The following PHF14 variants were observed in gnomAD, a reference collection of about 807,000 sequenced individuals.
The protein encoded by PHF14 is PHD finger protein 14.
In PHF14, 55 loss-of-function variants were observed where a neutral mutation model predicts 117.9. That is an observed-to-expected ratio of 0.47 (90% CI 0.38 to 0.58). The LOEUF (loss-of-function observed/expected upper bound fraction) is 0.58, where lower values mean the gene tolerates loss of function less well. Among genes scored for constraint, PHF14 ranks in the 20% least tolerant of loss-of-function variants. The pLI is 0.00. For missense variants in PHF14, 978 were observed against 1,122.2 expected, an observed-to-expected ratio of 0.87 and a Z score of 1.84; for synonymous variants, 409 against 368.6, an observed-to-expected ratio of 1.11 and a Z score of -1.26.
intron 17 of PHF14, among the ~76,000 whole-genome samples, chr7:11,155,959 A>G (rs1788835340): frequency 6.6e-6 from 1 of 152,126 alleles, no homozygotes; most frequent in Non-Finnish European, 1.5e-5. Flanking sequence ...AAATATTGGG[A>G]AAAACTTTAT....
At chr7:11,047,324 T>TC (rs1784703424) in intron 13 of PHF14, among the ~76,000 whole-genome samples, 1 of 152,012 alleles carries the variant, frequency 6.6e-6, no homozygotes, top group African/African-American at 2.4e-5. Context: ...TGCCTTGGCC[T>TC]CCCAAAGTGC....
intron 15 of PHF14, 37 bp from the exon 16 acceptor site, chr7:11,061,927 T>C: frequency 6.5e-7 from 1 of 1,544,716 alleles, no homozygotes; most frequent in Non-Finnish European, 8.7e-7. Context: ...CCTTATTTTG[T>C]TTGTTATGTT....
intron 16 of PHF14, among the ~76,000 whole-genome samples, chr7:11,067,652 G>A (rs1160837656): frequency 6.6e-6 from 1 of 152,164 alleles, no homozygotes; most frequent in Non-Finnish European, 1.5e-5. Flanking sequence ...AATACCTGAG[G>A]GTGGATAATT....
intron 17 of PHF14, among the ~76,000 whole-genome samples, chr7:11,129,688 A>G (rs570821957): frequency 6.6e-6 from 1 of 151,926 alleles, no homozygotes; most frequent in East Asian, 1.9e-4. Flanking sequence ...AAATCTGTAT[A>G]GTATTCAGAA....
intron 16 of PHF14, among the ~76,000 whole-genome samples, chr7:11,089,591 TTAA>T: frequency 6.6e-6 from 1 of 152,152 alleles, no homozygotes; most frequent in East Asian, 1.9e-4. Context: ...GAAATATTTT[TTAA>T]TGAGATACTT....
At chr7:11,127,393 G>A (rs976323078) in intron 17 of PHF14, among the ~76,000 whole-genome samples, 5 of 152,058 alleles carry the variant, frequency 3.3e-5, no homozygotes, top group East Asian at 1.9e-4. Context: ...TCCCACCAAC[G>A]CTGTCCTCTT....
At position 10,990,685 on chromosome 7, in the gene PHF14, T is replaced by C. The variant is rs1301520004; in HGVS notation, c.901-18T>C. 5.6e-6 allele frequency: 8 copies of C among 1,431,738 alleles called. No homozygotes were observed. The highest frequency in any genetic ancestry group is 7.6e-6 in the Non-Finnish European group (8 of 1,053,322). The allele number at this position is 1,431,738 out of a possible 1,614,324, so 88.7% of individuals were successfully genotyped here. A position where few individuals can be genotyped will look rare whatever the true frequency, so the allele number is the denominator to read the frequency against. On this transcript the variant is annotated intron_variant, in intron 3 of 17. Transcript: ENST00000634607. ...TTTAAATGTGATTTTCTGATATATG[T>C]TAATATTTTAATATTAGGACTCGCT...
Position 11,073,097 on chromosome 7 carries a change from CT to C in PHF14, c.2654+11013del, listed in dbSNP as rs1267050012. Among the ~76,000 whole-genome samples, 4 of 152,268 alleles carry C rather than the reference CT, an allele frequency of 2.6e-5. No individual in the cohort carries two copies. In the South Asian group the frequency reaches 8.3e-4, roughly 32 times the overall value. On this transcript the variant is annotated intron_variant, in intron 16 of 17. Transcript: ENST00000634607. Reference sequence around the variant, plus strand: ...TATATACTTTCACTCCTTGCCCCCCCTCCCCAGTTTTATCTTCTCCACATTG... The same window carrying C: ...TATATACTTTCACTCCTTGCCCCCCCCCCCAGTTTTATCTTCTCCACATTG...
At chr7:10,994,447 A>G (rs1168312654) in intron 4 of PHF14, among the ~76,000 whole-genome samples, 1 of 152,184 alleles carries the variant, frequency 6.6e-6, no homozygotes, top group Non-Finnish European at 1.5e-5. Context: ...TCAAAAAAAA[A>G]GATCTTGAAG....
intron 4 of PHF14, among the ~76,000 whole-genome samples, chr7:11,004,517 G>A (rs1402013577): frequency 6.6e-6 from 1 of 151,810 alleles, no homozygotes; most frequent in Non-Finnish European, 1.5e-5. Flanking sequence ...TTGCACTTGT[G>A]TTATATCTCT....
intron 7 of PHF14, among the ~76,000 whole-genome samples, chr7:11,034,378 T>C (rs57600747): frequency 0.013 from 1,969 of 152,052 alleles, 40 homozygotes; most frequent in African/African-American, 0.045. Flanking sequence ...TTACAAGTTG[T>C]TTTTGATAGA....
At chr7:11,124,087 G>A (rs1292120084) in intron 17 of PHF14, among the ~76,000 whole-genome samples, 1 of 145,430 alleles carries the variant, frequency 6.9e-6, no homozygotes, top group East Asian at 1.9e-4. Flanking sequence ...GAAGAAAGTT[G>A]GTATCAGGAA....
intron 17 of PHF14, among the ~76,000 whole-genome samples, chr7:11,168,005 G>A (rs1439734422): frequency 1.5e-5 from 2 of 129,670 alleles, no homozygotes; most frequent in African/African-American, 6.1e-5. Flanking sequence ...CAGCCTGGGC[G>A]AAAGAGTCCG....
At chr7:10,992,448 AG>A (rs1294366123) in intron 4 of PHF14, among the ~76,000 whole-genome samples, 3 of 150,342 alleles carry the variant, frequency 2.0e-5, no homozygotes, top group Non-Finnish European at 4.4e-5. Context: ...GGATCACCTG[AG>A]GTCAGGAGTT....
intron 4 of PHF14, among the ~76,000 whole-genome samples, chr7:10,998,274 A>C (rs1312161579): frequency 1.3e-5 from 2 of 152,296 alleles, no homozygotes; most frequent in African/African-American, 4.8e-5. Context: ...AGTTATTTTT[A>C]AAATGTTTCT....
At chr7:10,997,387 T>A (rs1410620896) in intron 4 of PHF14, among the ~76,000 whole-genome samples, 1 of 152,192 alleles carries the variant, frequency 6.6e-6, no homozygotes, top group Non-Finnish European at 1.5e-5. Flanking sequence ...AGCCAGGAGA[T>A]GGGACAAGGG....
intron 16 of PHF14, among the ~76,000 whole-genome samples, chr7:11,096,643 T>C (rs954815669): frequency 6.6e-6 from 1 of 152,124 alleles, no homozygotes; most frequent in Non-Finnish European, 1.5e-5. Context: ...ATAAAGCAGA[T>C]GTGAAAAGAA....
intron 17 of PHF14, among the ~76,000 whole-genome samples, chr7:11,150,953 G>A (rs1788684104): frequency 6.6e-6 from 1 of 152,056 alleles, no homozygotes; most frequent in African/African-American, 2.4e-5. Flanking sequence ...TTCAAGTACA[G>A]TTTATTTTCT....
intron 2 of PHF14, among the ~76,000 whole-genome samples, chr7:10,981,074 G>A (rs1439874341): frequency 6.6e-6 from 1 of 152,072 alleles, no homozygotes; most frequent in Non-Finnish European, 1.5e-5. Context: ...TTTGCTTGCA[G>A]GATGTTTTTG....
Sources: allele counts gnomAD v4.1 joint callset (sites outside exome capture counted in the v4.1 genomes callset), GRCh38; gene constraint gnomAD v4.1.1; transcripts MANE v1.5; gene names NCBI Gene and HGNC (gene_info 2026-07-23, HGNC 2026-07-21).